Variants in ROR2 observed in about 807,000 individuals in gnomAD.
ROR2 encodes ROR family WNT receptor 2, also known as tyrosine-protein kinase transmembrane receptor ROR2.
Under a neutral mutation model 74.9 loss-of-function variants are expected in ROR2, and 33 were observed. That is an observed-to-expected ratio of 0.44 (90% CI 0.33 to 0.59). ROR2 has a LOEUF of 0.59. ROR2 is among the 20% of genes least tolerant of loss of function. ROR2 has a pLI of 0.02. For synonymous variants in ROR2, 586 were observed against 558.7 expected (o/e 1.05, Z -0.69); for missense variants, 1,216 against 1,313.8 (o/e 0.93, Z 1.15).
At chr9:91,847,735 C>T (rs997998329) in intron 1 of ROR2, among the ~76,000 whole-genome samples, 1 of 152,158 alleles carries the variant, frequency 6.6e-6, no homozygotes, top group Non-Finnish European at 1.5e-5. Context: ...CTGCCCTTGC[C>T]GGCCAGGAGA....
At chr9:91,736,522 C>T (rs933594025) in intron 5 of ROR2, among the ~76,000 whole-genome samples, 1 of 152,220 alleles carries the variant, frequency 6.6e-6, no homozygotes, top group Non-Finnish European at 1.5e-5. Context: ...GAGGATCCAA[C>T]TAAACTGAGG....
intron 7 of ROR2, among the ~76,000 whole-genome samples, chr9:91,730,570 C>T (rs1298340563): frequency 1.3e-5 from 2 of 152,156 alleles, no homozygotes; most frequent in African/African-American, 4.8e-5. Context: ...AAGTGATTCT[C>T]CTGCCTCAGT....
intron 1 of ROR2, among the ~76,000 whole-genome samples, chr9:91,816,655 G>A (rs1022572624): frequency 7.9e-5 from 12 of 151,588 alleles, no homozygotes; most frequent in Admixed American, 1.3e-4. Flanking sequence ...CCTGGCATCC[G>A]CGATCCCCTC....
In ROR2 at chr9:91,723,611, T is replaced by C. The variant is rs770427359; in HGVS notation, c.*51A>G. ...TCTTCTCAAAGGTGACTGAGGTCCCTGTGGGGTCTCGGCGGGGCTTCTATC... is the reference window on the plus strand; with the variant it reads ...TCTTCTCAAAGGTGACTGAGGTCCCCGTGGGGTCTCGGCGGGGCTTCTATC... On this transcript the variant is annotated 3_prime_UTR_variant, in exon 9 of 9. Coordinates refer to ENST00000375708, the MANE Select transcript of ROR2 (RefSeq NM_004560.4). 4 of 1,604,216 alleles carry C rather than the reference T, an allele frequency of 2.5e-6. No homozygotes were observed. Among genetic ancestry groups the C allele is most frequent in the Non-Finnish European group, 3.4e-6 (4 of 1,176,794 alleles).
Position 91,731,088 on chromosome 9 carries a change from G to A in ROR2, c.1005C>T (p.His335=). ...GCTGCAGGGCCCACGGCTGGCACTG[G>A]TGGCCTGACTTGGTGGTGCTTGCCG... The part of the protein sequence containing the change: ...RGTASTTKSG[H]QCQPWALQHP... The change falls in exon 7 of 9, where the codon CAC becomes CAT. Residue 335 remains histidine (H), a synonymous_variant. Coordinates refer to ENST00000375708, the MANE Select transcript of ROR2 (RefSeq NM_004560.4). 1 of 1,614,160 alleles carries A rather than the reference G, an allele frequency of 6.2e-7. No individual in the cohort carries two copies. The highest frequency in any genetic ancestry group is 8.5e-7 in the Non-Finnish European group (1 of 1,180,034).
At chr9:91,908,762 A>C (rs1182260219) in intron 1 of ROR2, among the ~76,000 whole-genome samples, 2 of 152,248 alleles carry the variant, frequency 1.3e-5, no homozygotes, top group East Asian at 3.8e-4. Flanking sequence ...TTAAACATTC[A>C]GTAGAGCCAA....
chr9:91,930,165 A>G (rs563272562), intron 1 of ROR2, among the ~76,000 whole-genome samples: 4 of 152,326 alleles, frequency 2.6e-5, no homozygotes, highest in African/African-American at 9.6e-5. Flanking sequence ...CATTAGAGTC[A>G]CCTGGAAGCT....
chr9:91,937,715 G>C (rs1382875533), intron 1 of ROR2, among the ~76,000 whole-genome samples: 1 of 152,118 alleles, frequency 6.6e-6, no homozygotes, highest in Non-Finnish European at 1.5e-5. Flanking sequence ...AAAAGACCCT[G>C]AGTCTTTTTA....
At chr9:91,827,589 G>C (rs368899581) in intron 1 of ROR2, among the ~76,000 whole-genome samples, 2 of 152,148 alleles carry the variant, frequency 1.3e-5, no homozygotes, top group Non-Finnish European at 2.9e-5. Flanking sequence ...TCCTAGAAGT[G>C]AAAGTACTGG....
At chr9:91,850,792 T>C (rs2119254230) in intron 1 of ROR2, among the ~76,000 whole-genome samples, 1 of 152,340 alleles carries the variant, frequency 6.6e-6, no homozygotes, top group East Asian at 1.9e-4. Flanking sequence ...CCTTTAAAAA[T>C]TGTCCTTTGC....
chr9:91,791,664 G>C (rs1826981727), intron 1 of ROR2, among the ~76,000 whole-genome samples: 1 of 152,086 alleles, frequency 6.6e-6, no homozygotes, highest in Non-Finnish European at 1.5e-5. Context: ...CTCCACTTTC[G>C]ATAACAGAAG....
intron 1 of ROR2, among the ~76,000 whole-genome samples, chr9:91,852,506 G>C (rs1563999672): frequency 6.6e-6 from 1 of 152,098 alleles, no homozygotes; most frequent in Admixed American, 6.6e-5. Flanking sequence ...TATAATACAG[G>C]AGGATTTCCT....
chr9:91,939,307 G>A (rs942563873), intron 1 of ROR2, among the ~76,000 whole-genome samples: 2 of 152,120 alleles, frequency 1.3e-5, no homozygotes, highest in African/African-American at 4.8e-5. Flanking sequence ...GGCCCTACCT[G>A]TGGCCAGTCC....
At chr9:91,821,603 T>C (rs993293533) in intron 1 of ROR2, among the ~76,000 whole-genome samples, 3 of 152,058 alleles carry the variant, frequency 2.0e-5, no homozygotes, top group African/African-American at 7.2e-5. Context: ...TGTGAGTCAC[T>C]TACTCCCCCT....
intron 1 of ROR2, among the ~76,000 whole-genome samples, chr9:91,791,668 A>G (rs1434528335): frequency 1.3e-5 from 2 of 152,192 alleles, no homozygotes; most frequent in Non-Finnish European, 2.9e-5. Flanking sequence ...ACTTTCGATA[A>G]CAGAAGAACT....
intron 1 of ROR2, among the ~76,000 whole-genome samples, chr9:91,898,903 C>T (rs1258691526): frequency 3.3e-5 from 5 of 152,214 alleles, no homozygotes; most frequent in South Asian, 2.1e-4. Context: ...GCCACAGTAA[C>T]TCCAGGAAAC....
intron 4 of ROR2, among the ~76,000 whole-genome samples, chr9:91,748,576 T>C (rs1258507110): frequency 6.6e-6 from 1 of 152,230 alleles, no homozygotes; most frequent in South Asian, 2.1e-4. Flanking sequence ...GATTTGTATT[T>C]AAAATTTAAT....
At chr9:91,893,676 A>G (rs1250564947) in intron 1 of ROR2, among the ~76,000 whole-genome samples, 1 of 152,144 alleles carries the variant, frequency 6.6e-6, no homozygotes. Context: ...GTAACAGAAG[A>G]TATTCACATC....
chr9:91,739,323 A>G (rs577804656), intron 4 of ROR2, among the ~76,000 whole-genome samples: 1 of 152,226 alleles, frequency 6.6e-6, no homozygotes, highest in African/African-American at 2.4e-5. Context: ...TCTGGGCAAC[A>G]TGGTGAAACC....
Sources: allele counts gnomAD v4.1 joint callset (sites outside exome capture counted in the v4.1 genomes callset), GRCh38; gene constraint gnomAD v4.1.1; transcripts MANE v1.5; gene names NCBI Gene and HGNC (gene_info 2026-07-23, HGNC 2026-07-21).